Variants in VCF1 observed in about 807,000 individuals in gnomAD.
VCF1 encodes the protein VCP nuclear cofactor family member 1.
At chr17:73,207,823 T>C in the VCF1 span, 1 of 1,281,326 alleles carries the variant, frequency 7.8e-7, no homozygotes, top group South Asian at 1.3e-5. Flanking sequence ...TTTGCTTTAT[T>C]GTTAGACACA....
the VCF1 span, among the ~76,000 whole-genome samples, chr17:73,225,902 T>TA: frequency 1.0e-5 from 1 of 98,680 alleles, no homozygotes; most frequent in African/African-American, 5.0e-5. Context: ...TATATATATT[T>TA]TTTTTTTTTT....
the VCF1 span, among the ~76,000 whole-genome samples, chr17:73,223,030 A>G: frequency 6.6e-6 from 1 of 152,020 alleles, no homozygotes; most frequent in African/African-American, 2.4e-5. Context: ...AATACCTACT[A>G]AAACAGGCTG....
At chr17:73,218,503 C>T in the VCF1 span, among the ~76,000 whole-genome samples, 1 of 152,144 alleles carries the variant, frequency 6.6e-6, no homozygotes. Context: ...TCCATTTCAA[C>T]AGGCCAAAAA....
the VCF1 span, among the ~76,000 whole-genome samples, chr17:73,211,886 C>G: frequency 6.6e-6 from 1 of 152,130 alleles, no homozygotes. Flanking sequence ...AAAAAATTAT[C>G]TGGGCGTGGT....
chr17:73,213,575 G>C, the VCF1 span, among the ~76,000 whole-genome samples: 6 of 152,236 alleles, frequency 3.9e-5, no homozygotes, highest in African/African-American at 1.2e-4. Flanking sequence ...AAATATTTAC[G>C]ATTTGGATCT....
At chr17:73,208,412 A>G in the VCF1 span, 1 of 1,614,242 alleles carries the variant, frequency 6.2e-7, no homozygotes, top group Non-Finnish European at 8.5e-7. Flanking sequence ...CTGCACCTTC[A>G]TTATTCAAAC....
At chr17:73,231,992 C>T in the VCF1 span, 1 of 1,346,956 alleles carries the variant, frequency 7.4e-7, no homozygotes, top group African/African-American at 1.5e-5. Context: ...CCCGCCGGGT[C>T]CACTCTTGCT....
chr17:73,211,865 A>C, the VCF1 span, among the ~76,000 whole-genome samples: 1 of 152,108 alleles, frequency 6.6e-6, no homozygotes, highest in Non-Finnish European at 1.5e-5. Context: ...TCTCAAAAAC[A>C]AAACAAAACA....
chr17:73,212,446 T>A, the VCF1 span, among the ~76,000 whole-genome samples: 1 of 151,924 alleles, frequency 6.6e-6, no homozygotes, highest in Admixed American at 6.6e-5. Flanking sequence ...AATAAAAAAA[T>A]AAAAACCTCA....
the VCF1 span, among the ~76,000 whole-genome samples, chr17:73,226,146 C>A: frequency 1.3e-4 from 20 of 151,940 alleles, no homozygotes; most frequent in African/African-American, 4.6e-4. Context: ...CGTGATCTGC[C>A]CACCTTGGCC....
chr17:73,209,453 TA>T, the VCF1 span: 1 of 1,503,340 alleles, frequency 6.7e-7, no homozygotes, highest in Non-Finnish European at 8.9e-7. Context: ...ATTTTTCTTT[TA>T]AAACAAGTTG....
chr17:73,225,890 T>C, the VCF1 span, among the ~76,000 whole-genome samples: 1 of 72,476 alleles, frequency 1.4e-5, no homozygotes, highest in Non-Finnish European at 2.7e-5. Flanking sequence ...ATAATATATA[T>C]ATATATATAT....
chr17:73,218,294 G>A, the VCF1 span, among the ~76,000 whole-genome samples: 1 of 152,174 alleles, frequency 6.6e-6, no homozygotes, highest in Non-Finnish European at 1.5e-5. Flanking sequence ...GATTCCAAAT[G>A]AACTCAGTGG....
chr17:73,216,019 A>C, the VCF1 span, among the ~76,000 whole-genome samples: 1 of 152,184 alleles, frequency 6.6e-6, no homozygotes, highest in Non-Finnish European at 1.5e-5. Context: ...GGTGATGGCT[A>C]GATTATCAAG....
At chr17:73,209,616 C>G in the VCF1 span, 254 of 1,572,674 alleles carry the variant, frequency 1.6e-4, 3 homozygotes, top group African/African-American at 3.2e-3. Flanking sequence ...GGCCTTGGCA[C>G]AGCGCGGACT....
At chr17:73,210,494 T>TA in the VCF1 span, among the ~76,000 whole-genome samples, 11 of 140,416 alleles carry the variant, frequency 7.8e-5, no homozygotes, top group African/African-American at 9.9e-5. Flanking sequence ...AGTTCATGTT[T>TA]TAAAAAAAAA....
chr17:73,211,662 C>T, the VCF1 span, among the ~76,000 whole-genome samples: 4 of 151,614 alleles, frequency 2.6e-5, no homozygotes, highest in African/African-American at 7.3e-5. Context: ...GAGGTCGAGA[C>T]CATCCTGGCC....
At chr17:73,232,297 GC>G in the VCF1 span, 17 of 1,584,800 alleles carry the variant, frequency 1.1e-5, no homozygotes, top group East Asian at 4.6e-5. Context: ...TCTGCTCCGC[GC>G]CCCCCCATGT....
chr17:73,212,587 T>C, the VCF1 span: 30 of 1,043,514 alleles, frequency 2.9e-5, no homozygotes, highest in African/African-American at 4.7e-4. Flanking sequence ...AGGCGTCTCC[T>C]AACCTAGTAT....
Sources: gnomAD v4.1 joint callset for allele counts (sites outside exome capture counted in the v4.1 genomes callset) on GRCh38, gnomAD v4.1.1 for gene constraint, MANE v1.5 for transcripts, NCBI Gene and HGNC (gene_info 2026-07-23, HGNC 2026-07-21) for gene names.